The following ELF2 variants were observed in gnomAD, a reference collection of about 807,000 sequenced individuals.
ELF2 encodes E74 like ETS transcription factor 2.
In ELF2, 11 loss-of-function variants were observed where a neutral mutation model predicts 54.8. That is an observed-to-expected ratio of 0.20 (90% CI 0.13 to 0.33). ELF2 has a LOEUF of 0.33. Ranked by LOEUF, ELF2 falls within the 10% of genes least tolerant of loss-of-function variation. ELF2 has a pLI of 1.00. For missense variants in ELF2, 513 were observed against 703.0 expected, an observed-to-expected ratio of 0.73 and a Z score of 3.06; for synonymous variants, 203 against 245.1, an observed-to-expected ratio of 0.83 and a Z score of 1.61.
intron 1 of ELF2, among the ~76,000 whole-genome samples, chr4:139,164,140 A>C (rs1741471242): frequency 7.4e-6 from 1 of 136,020 alleles, no homozygotes; most frequent in South Asian, 2.3e-4. Flanking sequence ...AAGAGAAAGA[A>C]GAGAGAGAAA....
chr4:139,169,965 T>G lies in ELF2; in HGVS notation c.-252+7002A>C, dbSNP rs143944338. Among the ~76,000 whole-genome samples, 116 of 152,226 alleles carry G rather than the reference T, an allele frequency of 7.6e-4. No homozygotes were observed. In the East Asian group the frequency reaches 0.021, roughly 27 times the overall value. On this transcript the variant is annotated intron_variant, in intron 1 of 9. Transcript: ENST00000686138. ...ATAATGCCCATTCCTGAATAAATACTGCTTTCTTTCAGAGGGACTGTCTTT... is the reference window on the plus strand; with the variant it reads ...ATAATGCCCATTCCTGAATAAATACGGCTTTCTTTCAGAGGGACTGTCTTT...
chr4:139,098,913 T>A (rs757817334), intron 4 of ELF2, among the ~76,000 whole-genome samples: 1 of 152,260 alleles, frequency 6.6e-6, no homozygotes, highest in Non-Finnish European at 1.5e-5. Context: ...TCTGATATAT[T>A]TTGTACTTAC....
chr4:139,141,164 A>C (rs1738659094), intron 1 of ELF2, among the ~76,000 whole-genome samples: 1 of 152,204 alleles, frequency 6.6e-6, no homozygotes, highest in Admixed American at 6.5e-5. Flanking sequence ...GGAAGCCTAC[A>C]TACCATGTGT....
chr4:139,101,831 T>C (rs1008866960), intron 4 of ELF2: 1 of 152,130 alleles, frequency 6.6e-6, no homozygotes, highest in African/African-American at 2.4e-5. Flanking sequence ...AGTAAATAAC[T>C]TGCACCTGAT....
intron 4 of ELF2, among the ~76,000 whole-genome samples, chr4:139,095,338 T>A (rs772612746): frequency 6.6e-6 from 1 of 151,864 alleles, no homozygotes; most frequent in Non-Finnish European, 1.5e-5. Flanking sequence ...GTATGCAACA[T>A]CACGCCCAGC....
intron 1 of ELF2, among the ~76,000 whole-genome samples, chr4:139,162,160 T>C (rs1405083638): frequency 1.3e-5 from 2 of 151,962 alleles, no homozygotes; most frequent in African/African-American, 2.4e-5. Context: ...GATCGTGCCA[T>C]TGCACTCCAG....
At chr4:139,109,964 C>T (rs1214641416) in intron 4 of ELF2, among the ~76,000 whole-genome samples, 1 of 152,170 alleles carries the variant, frequency 6.6e-6, no homozygotes, top group African/African-American at 2.4e-5. Context: ...CAAACCTGCA[C>T]ATGTACCCCC....
chr4:139,117,320 CATT>C (rs1735823636), intron 4 of ELF2, among the ~76,000 whole-genome samples: 2 of 152,180 alleles, frequency 1.3e-5, no homozygotes, highest in South Asian at 4.1e-4. Flanking sequence ...AAGCAACAAT[CATT>C]GTCTCCTTGT....
intron 1 of ELF2, among the ~76,000 whole-genome samples, chr4:139,159,713 T>C (rs1740909978): frequency 1.3e-5 from 2 of 152,200 alleles, no homozygotes; most frequent in Admixed American, 1.3e-4. Context: ...GCGTAAGCCT[T>C]GACCTGAGCG....
rs1732499630 is a variant in ELF2 at position 139,090,917 on chromosome 4, GTTTT to G, written c.239-17354_239-17351del. ...TGTTTTCCCTTATAGTATATGGTTTGTTTTGTTTTGTTTTGTTTTGTTTTGTTTT... is the reference window on the plus strand; with the variant it reads ...TGTTTTCCCTTATAGTATATGGTTTGGTTTTGTTTTGTTTTGTTTTGTTTT... On this transcript the variant is annotated intron_variant, in intron 4 of 9. Transcript: ENST00000686138. 2.7e-3 allele frequency among the ~76,000 whole-genome samples: 5 copies of G among 1,862 alleles called. No homozygotes were observed. In the Admixed American group the frequency reaches 0.028, roughly 10 times the overall value. The allele number at this position is 1,862 out of a possible 152,430, so 1.2% of individuals were successfully genotyped here.
intron 3 of ELF2, among the ~76,000 whole-genome samples, chr4:139,133,659 G>A (rs1193715811): frequency 1.3e-5 from 2 of 149,288 alleles, no homozygotes; most frequent in Non-Finnish European, 3.0e-5. Flanking sequence ...TTTAAGATAC[G>A]GGGTTCACTA....
In ELF2 at chr4:139,057,447, G is replaced by A. The variant is rs1727208366; in HGVS notation, c.*1536C>T. 6.6e-6 allele frequency: 1 copy of A among 152,154 alleles called. No individual in the cohort carries two copies. Among genetic ancestry groups the A allele is most frequent in the African/African-American group, 2.4e-5 (1 of 41,450 alleles). The allele number at this position is 152,154 out of a possible 1,614,324, so 9.4% of individuals were successfully genotyped here. On this transcript the variant is annotated 3_prime_UTR_variant, in exon 10 of 10. Transcript: ENST00000686138. Reference sequence around the variant, plus strand: ...AGATAACTTTTCTTTGTAGTAGAAAGAGCATTAAGATATGGAGTGACAGAC... The same window carrying A: ...AGATAACTTTTCTTTGTAGTAGAAAAAGCATTAAGATATGGAGTGACAGAC...
chr4:139,062,147 T>C (rs1452335421), intron 7 of ELF2, 90 bp from the exon 8 acceptor site: 2 of 1,276,884 alleles, frequency 1.6e-6, no homozygotes, highest in African/African-American at 1.5e-5. Context: ...CATTGTATCA[T>C]AAAAATCCTG....
chr4:139,098,658 T>C (rs918258393), intron 4 of ELF2, among the ~76,000 whole-genome samples: 1 of 152,000 alleles, frequency 6.6e-6, no homozygotes, highest in Non-Finnish European at 1.5e-5. Flanking sequence ...TTGGTAGAGA[T>C]GGGGTTTCAC....
intron 1 of ELF2, among the ~76,000 whole-genome samples, chr4:139,147,474 G>A (rs1397749092): frequency 6.6e-6 from 1 of 152,054 alleles, no homozygotes; most frequent in Non-Finnish European, 1.5e-5. Flanking sequence ...AAACAGTATG[G>A]AGATTTTTTT....
At chr4:139,120,885 TC>T (rs1366712006) in intron 4 of ELF2, among the ~76,000 whole-genome samples, 1 of 152,162 alleles carries the variant, frequency 6.6e-6, no homozygotes, top group Non-Finnish European at 1.5e-5. Context: ...ATTTCAATAG[TC>T]TACCCATTTA....
In ELF2 at chr4:139,137,660, C is replaced by A; in HGVS notation, c.42G>T (p.Glu14Asp). 1 of 1,614,056 alleles carries A rather than the reference C, an allele frequency of 6.2e-7. No homozygotes were observed. Among genetic ancestry groups the A allele is most frequent in the Non-Finnish European group, 8.5e-7 (1 of 1,180,000 alleles). ...AVVDSGGTIL[E>D]LSSNGVENQE... The stretch of plus-strand genomic sequence containing the variant: ...GATTTTCTACTCCATTGCTGGAAAG[C>A]TCCAAAATAGTACCTCCACTGTCAA... Residue 14 changes from glutamate (E) to aspartate (D), a missense_variant, in exon 3 of 10, where the codon GAG becomes GAT. Physicochemically the swap from Glu to Asp is conservative, Grantham distance 45 (BLOSUM62 2). This residue lies in a region of ELF2 where 203 missense variants were observed against 245.9 expected (regional missense o/e 0.83). Transcript: ENST00000686138.
At chr4:139,059,965 A>T (rs1727591998) in intron 9 of ELF2, among the ~76,000 whole-genome samples, 1 of 151,720 alleles carries the variant, frequency 6.6e-6, no homozygotes, top group Admixed American at 6.6e-5. Flanking sequence ...CTCCTGCCTT[A>T]GCTTCCTCAG....
At chr4:139,073,347 C>A in intron 5 of ELF2, 107 bp downstream of exon 5, 1 of 620,058 alleles carries the variant, frequency 1.6e-6, no homozygotes, top group South Asian at 4.1e-5. Flanking sequence ...TGTAATGTAC[C>A]TTTGAGAATT....
Sources: gnomAD v4.1 joint callset for allele counts (sites outside exome capture counted in the v4.1 genomes callset) on GRCh38, gnomAD v4.1.1 for gene constraint, gnomAD v4.1.1 regional missense constraint, MANE v1.5 for transcripts, NCBI Gene and HGNC (gene_info 2026-07-23, HGNC 2026-07-21) for gene names.